The following TECR variants were observed in gnomAD, a reference collection of about 807,000 sequenced individuals.
The protein encoded by TECR is trans-2,3-enoyl-CoA reductase.
A neutral mutation model predicts 50.6 loss-of-function variants in TECR; 19 were observed. The observed-to-expected ratio is 0.38, with a 90% CI of 0.26 to 0.55. The LOEUF (loss-of-function observed/expected upper bound fraction) is 0.55, where lower values mean the gene tolerates loss of function less well. Ranked by LOEUF, TECR falls within the 20% of genes least tolerant of loss-of-function variation. TECR has a pLI of 0.79. For synonymous variants in TECR, 168 were observed against 163.5 expected (o/e 1.03, Z -0.21); for missense variants, 313 against 408.3 (o/e 0.77, Z 2.01).
intron 1 of TECR, among the ~76,000 whole-genome samples, chr19:14,544,218 C>G (rs2073224814): frequency 6.6e-6 from 1 of 151,888 alleles, no homozygotes; most frequent in African/African-American, 2.4e-5. Flanking sequence ...ACCCAGGCCA[C>G]ACTCATCACC....
At chr19:14,535,574 ATATATATATATATATGTATG>A (rs1487332745) in intron 1 of TECR, among the ~76,000 whole-genome samples, 18 of 36,454 alleles carry the variant, frequency 4.9e-4, no homozygotes, top group African/African-American at 1.4e-3. Flanking sequence ...ATATATATAT[ATATATATATATATATGTATG>A]TATATATAAA....
At chr19:14,535,543 AATATATATATATATATATATATATATAT>A (rs747348455) in intron 1 of TECR, among the ~76,000 whole-genome samples, 2,042 of 32,676 alleles carry the variant, frequency 0.062, 72 homozygotes, top group Non-Finnish European at 0.068. Flanking sequence ...AAAAAAAAAA[AATATATATATATATATATATATATATAT>A]ATATATATAT....
chr19:14,547,668 T>TG (rs1172398016), intron 1 of TECR, among the ~76,000 whole-genome samples: 1 of 151,368 alleles, frequency 6.6e-6, no homozygotes, highest in African/African-American at 2.4e-5. Context: ...AATATTTTTT[T>TG]TTTTTTTTGA....
intron 7 of TECR, 31 bp downstream of exon 7, chr19:14,564,318 C>T: frequency 6.5e-7 from 1 of 1,547,544 alleles, no homozygotes; most frequent in African/African-American, 1.4e-5. Context: ...CACCCCTAAG[C>T]CCCGCCTTTC....
chr19:14,553,335 C>T (rs1776731093), intron 1 of TECR, among the ~76,000 whole-genome samples: 1 of 152,156 alleles, frequency 6.6e-6, no homozygotes, highest in African/African-American at 2.4e-5. Context: ...CTTGCCAGCA[C>T]AGGTAGAAGA....
chr19:14,564,900 A>G, intron 8 of TECR, 42 bp downstream of exon 8: 2 of 1,613,714 alleles, frequency 1.2e-6, no homozygotes, highest in Non-Finnish European at 1.7e-6. Flanking sequence ...CACGGTCCCC[A>G]CCCAGCGGGT....
At chr19:14,565,336 ATG>A (rs2074044774) in intron 11 of TECR, 46 bp downstream of exon 11, 2 of 1,605,002 alleles carry the variant, frequency 1.2e-6, no homozygotes, top group Non-Finnish European at 1.7e-6. Flanking sequence ...TTGGGGTCCC[ATG>A]TGGAGGGACC....
intron 1 of TECR, among the ~76,000 whole-genome samples, chr19:14,535,494 G>A (rs575381352): frequency 4.3e-5 from 4 of 93,774 alleles, no homozygotes; most frequent in East Asian, 4.1e-4. Flanking sequence ...GCGACAGAGC[G>A]AGACTCCGTC....
At chr19:14,530,544 C>G (rs933703425) in intron 1 of TECR, 1 of 152,172 alleles carries the variant, frequency 6.6e-6, no homozygotes, top group Non-Finnish European at 1.5e-5. Flanking sequence ...TGGTGAGATT[C>G]TGTTACCTTG....
chr19:14,546,412 C>G (rs1376759005), intron 1 of TECR, among the ~76,000 whole-genome samples: 1 of 152,152 alleles, frequency 6.6e-6, no homozygotes, highest in African/African-American at 2.4e-5. Flanking sequence ...CATGCTGAAA[C>G]CCCTCTTCTA....
intron 1 of TECR, among the ~76,000 whole-genome samples, chr19:14,533,063 G>T (rs188152458): frequency 2.0e-3 from 311 of 152,090 alleles, no homozygotes; most frequent in Non-Finnish European, 3.5e-3. Context: ...CATGAGCTGA[G>T]ATCACGCCAC....
At chr19:14,560,459 G>T (rs2073869767) in intron 1 of TECR, among the ~76,000 whole-genome samples, 1 of 152,158 alleles carries the variant, frequency 6.6e-6, no homozygotes, top group Non-Finnish European at 1.5e-5. Flanking sequence ...CCCGCCCAGG[G>T]CCCTGCTGTG....
intron 1 of TECR, among the ~76,000 whole-genome samples, chr19:14,535,726 G>A (rs2072874683): frequency 7.4e-6 from 1 of 134,592 alleles, no homozygotes; most frequent in African/African-American, 2.8e-5. Context: ...ACTGCATTCC[G>A]GTCCTGGGCA....
intron 1 of TECR, 58 bp from the exon 2 acceptor site, chr19:14,562,467 C>T: frequency 6.2e-7 from 1 of 1,607,188 alleles, no homozygotes; most frequent in Non-Finnish European, 8.5e-7. Flanking sequence ...ATGGGCTCCC[C>T]AGGCCCACAC....
Position 14,554,036 on chromosome 19 carries a change from G to A in TECR, c.16-8489G>A, listed in dbSNP as rs536147618. Among the ~76,000 whole-genome samples, 17 of 152,320 alleles carry A rather than the reference G, an allele frequency of 1.1e-4. No individual in the cohort carries two copies. The East Asian group carries it at 1.9e-3, about 17-fold the overall frequency. ...CCTGCCGGAGCTTTGAGCTCAACAG[G>A]TGGGCTGTGCGGCACCACATCAGCT... On this transcript the variant is annotated intron_variant, in intron 1 of 12. Coordinates refer to ENST00000215567, the MANE Select transcript of TECR (RefSeq NM_138501.6).
chr19:14,553,834 C>T (rs1024267892), intron 1 of TECR, among the ~76,000 whole-genome samples: 2 of 152,124 alleles, frequency 1.3e-5, no homozygotes, highest in Non-Finnish European at 2.9e-5. Flanking sequence ...TTGTGCCCGG[C>T]GCGGGGATGG....
At chr19:14,535,121 C>T (rs1003035559) in intron 1 of TECR, among the ~76,000 whole-genome samples, 1 of 152,122 alleles carries the variant, frequency 6.6e-6, no homozygotes, top group African/African-American at 2.4e-5. Flanking sequence ...GCCTGTAATC[C>T]CAGCACGTTG....
intron 1 of TECR, among the ~76,000 whole-genome samples, chr19:14,538,719 G>C (rs1330462532): frequency 6.6e-6 from 1 of 151,432 alleles, no homozygotes; most frequent in African/African-American, 2.4e-5. Context: ...TTTTAGTAGA[G>C]ACGGGGTTTC....
At chr19:14,531,732 C>T (rs1275034198) in intron 1 of TECR, 1 of 152,158 alleles carries the variant, frequency 6.6e-6, no homozygotes, top group African/African-American at 2.4e-5. Flanking sequence ...CCTTAGAAGC[C>T]TTTAACCCAC....
Sources: allele counts gnomAD v4.1 joint callset (sites outside exome capture counted in the v4.1 genomes callset), GRCh38; gene constraint gnomAD v4.1.1; transcripts MANE v1.5; gene names NCBI Gene and HGNC (gene_info 2026-07-23, HGNC 2026-07-21).